UBAC2: variants seen among roughly 807,000 people sequenced by gnomAD.
UBAC2 encodes the protein UBA domain containing 2.
In UBAC2, 26 loss-of-function variants were observed where a neutral mutation model predicts 44.0. That is an observed-to-expected ratio of 0.59 (90% CI 0.43 to 0.82). The LOEUF (loss-of-function observed/expected upper bound fraction) is 0.82, where lower values mean the gene tolerates loss of function less well. Ranked by LOEUF, UBAC2 falls within the 40% of genes least tolerant of loss-of-function variation. UBAC2 has a pLI of 0.00. For missense variants in UBAC2, 329 were observed against 419.4 expected, an observed-to-expected ratio of 0.78 and a Z score of 1.88; for synonymous variants, 155 against 154.3, an observed-to-expected ratio of 1.00 and a Z score of -0.04.
chr13:99,328,889 C>A (rs1334969251), intron 6 of UBAC2, among the ~76,000 whole-genome samples: 1 of 152,140 alleles, frequency 6.6e-6, no homozygotes, highest in Non-Finnish European at 1.5e-5. Flanking sequence ...GAAATCTTTG[C>A]TAATCCAATG....
intron 6 of UBAC2, 101 bp from the exon 7 acceptor site, chr13:99,340,219 A>G: frequency 7.4e-7 from 1 of 1,343,434 alleles, no homozygotes; most frequent in South Asian, 1.4e-5. Context: ...GACTAAGAAA[A>G]ATACCGTGTG....
At chr13:99,300,080 C>T (rs2044236290) in intron 4 of UBAC2, among the ~76,000 whole-genome samples, 1 of 152,238 alleles carries the variant, frequency 6.6e-6, no homozygotes, top group Non-Finnish European at 1.5e-5. Context: ...ACATGCGCAA[C>T]ATTGCCCAGC....
rs368153146 is a variant in UBAC2, at chr13:99,281,054, C to T, written c.390-33043C>T. Among the ~76,000 whole-genome samples the T allele has an allele frequency of 8.5e-5, 13 of 152,048 alleles. 1 individual carries two copies. The highest frequency in any genetic ancestry group is 4.2e-4 in the South Asian group (2 of 4,814). ...TACAAAAATAAGCCAGGTGTGTTGGCGGGCACCTGTAATCCCAGCTACTTG... is the reference window on the plus strand; with the variant it reads ...TACAAAAATAAGCCAGGTGTGTTGGTGGGCACCTGTAATCCCAGCTACTTG... On this transcript the variant is annotated intron_variant, in intron 4 of 8. Transcript: ENST00000403766.
chr13:99,255,917 A>T, intron 4 of UBAC2: 1 of 1,479,872 alleles, frequency 6.8e-7, no homozygotes. Context: ...CTGTAAAAAT[A>T]GTTAAGAAAA....
At chr13:99,345,460 C>T (rs1204696360) in intron 7 of UBAC2, among the ~76,000 whole-genome samples, 6 of 150,926 alleles carry the variant, frequency 4.0e-5, no homozygotes, top group Non-Finnish European at 1.5e-5. Context: ...ATGCTGTACT[C>T]TGGATCGAGC....
At chr13:99,219,739 C>T (rs1594011261) in intron 1 of UBAC2, among the ~76,000 whole-genome samples, 1 of 152,156 alleles carries the variant, frequency 6.6e-6, no homozygotes, top group African/African-American at 2.4e-5. Flanking sequence ...CCCAACTGTC[C>T]CTGACAAACA....
At position 99,367,640 on chromosome 13, in the gene UBAC2, T is replaced by C. The variant is rs1013559928; in HGVS notation, c.808-147T>C. On this transcript the variant is annotated intron_variant, in intron 7 of 8. Transcript: ENST00000403766. ...TGACTGAAGGATGTTGTGATACTTT[T>C]GAATTTGAATTGCTTGCATAGAGCG... 51 of 1,142,058 alleles carry C rather than the reference T, an allele frequency of 4.5e-5. No individual in the cohort carries two copies. In the African/African-American group the frequency reaches 7.3e-4, roughly 16 times the overall value. The allele number at this position is 1,142,058 out of a possible 1,614,324, so 70.7% of individuals were successfully genotyped here. A position where few individuals can be genotyped will look rare whatever the true frequency, so the allele number is the denominator to read the frequency against.
chr13:99,365,697 A>G (rs1488697370), intron 7 of UBAC2, among the ~76,000 whole-genome samples: 1 of 152,168 alleles, frequency 6.6e-6, no homozygotes, highest in Admixed American at 6.5e-5. Flanking sequence ...TACTTTGTAA[A>G]TACTTTAAAT....
At chr13:99,268,603 C>T (rs1455928974) in intron 4 of UBAC2, among the ~76,000 whole-genome samples, 2 of 106,574 alleles carry the variant, frequency 1.9e-5, no homozygotes, top group Non-Finnish European at 3.5e-5. Context: ...CAGAGTGAGA[C>T]TCTGTCTCAA....
intron 6 of UBAC2, among the ~76,000 whole-genome samples, chr13:99,324,897 A>T (rs776433456): frequency 5.9e-5 from 9 of 152,058 alleles, no homozygotes; most frequent in Non-Finnish European, 1.2e-4. Flanking sequence ...AATATATATA[A>T]ATGAAAATAT....
intron 6 of UBAC2, among the ~76,000 whole-genome samples, chr13:99,320,738 T>G (rs981808887): frequency 8.5e-5 from 13 of 152,214 alleles, no homozygotes; most frequent in Admixed American, 2.6e-4. Context: ...TACTGTGATG[T>G]GGCATACTTT....
At chr13:99,337,511 T>C (rs1008407916) in intron 6 of UBAC2, among the ~76,000 whole-genome samples, 22 of 152,196 alleles carry the variant, frequency 1.4e-4, no homozygotes, top group African/African-American at 5.3e-4. Flanking sequence ...TTCACCACAG[T>C]GGATCTAGAT....
intron 7 of UBAC2, among the ~76,000 whole-genome samples, chr13:99,352,126 A>G (rs1359713985): frequency 6.6e-6 from 1 of 152,168 alleles, no homozygotes; most frequent in Non-Finnish European, 1.5e-5. Flanking sequence ...TTAATCAAGT[A>G]TTTTGAATTC....
chr13:99,355,121 T>G (rs1275590853), intron 7 of UBAC2, among the ~76,000 whole-genome samples: 1 of 152,232 alleles, frequency 6.6e-6, no homozygotes, highest in Non-Finnish European at 1.5e-5. Context: ...ATCCCCAGTC[T>G]CATTTTTAAT....
At chr13:99,346,476 G>A (rs1450462496) in intron 7 of UBAC2, among the ~76,000 whole-genome samples, 2 of 152,194 alleles carry the variant, frequency 1.3e-5, no homozygotes, top group Non-Finnish European at 2.9e-5. Flanking sequence ...TTCTGCTGCC[G>A]TGTGCAAGCC....
At chr13:99,202,531 A>G (rs576214306) in intron 1 of UBAC2, among the ~76,000 whole-genome samples, 3 of 152,364 alleles carry the variant, frequency 2.0e-5, no homozygotes, top group Non-Finnish European at 4.4e-5. Context: ...AAAGGGCAAG[A>G]GAAATCTTAT....
In UBAC2 at chr13:99,326,762, A is replaced by G. The variant is rs532892434; in HGVS notation, c.561+8693A>G. Among the ~76,000 whole-genome samples, 19 of 152,246 alleles carry G rather than the reference A, an allele frequency of 1.2e-4. No homozygotes were observed. In the East Asian group the frequency reaches 3.5e-3, roughly 28 times the overall value. ...AGGCCCAGTGAGTCCAGCACCTTAC[A>G]CTGCACATCTCAAGGCTCTCATCCA... On this transcript the variant is annotated intron_variant, in intron 6 of 8. Transcript: ENST00000403766.
intron 1 of UBAC2, 41 bp from the exon 2 acceptor site, chr13:99,238,386 A>G (rs746601024): frequency 1.2e-6 from 2 of 1,601,486 alleles, no homozygotes; most frequent in East Asian, 2.2e-5. Context: ...TTTAAATCTT[A>G]GGAACAATCA....
At position 99,340,364 on chromosome 13, in the gene UBAC2, G is replaced by A. The variant is rs1017731432; in HGVS notation, c.606G>A (p.Gln202=). The A allele has an allele frequency of 1.9e-5, 31 of 1,614,040 alleles. No homozygotes were observed. Among genetic ancestry groups the A allele is most frequent in the Non-Finnish European group, 2.5e-5 (29 of 1,180,022 alleles). The change falls in exon 7 of 9, where the codon CAG becomes CAA. Residue 202 remains glutamine, a synonymous_variant. Transcript: ENST00000403766. ...CYDSKMFQVH[Q]VLCIPSWMAK... ...ACAGCAAAATGTTCCAGGTGCATCA[G>A]GTGCTCTGCATCCCCAGCTGGATGG... is the stretch of plus-strand genomic sequence containing the variant.
Sources: gnomAD v4.1 joint callset for allele counts (sites outside exome capture counted in the v4.1 genomes callset) on GRCh38, gnomAD v4.1.1 for gene constraint, MANE v1.5 for transcripts, NCBI Gene and HGNC (gene_info 2026-07-23, HGNC 2026-07-21) for gene names.